UBE2T: variants seen among roughly 807,000 people sequenced by gnomAD.
The protein encoded by UBE2T is ubiquitin conjugating enzyme E2 T, also known as ubiquitin-conjugating enzyme E2 T.
Under a neutral mutation model 23.3 loss-of-function variants are expected in UBE2T, and 15 were observed. That is an observed-to-expected ratio of 0.64 (90% confidence interval 0.43 to 0.99). The LOEUF (loss-of-function observed/expected upper bound fraction) is 0.99, where lower values mean the gene tolerates loss of function less well. UBE2T is among the 50% of genes least tolerant of loss of function. The pLI, the probability that UBE2T is intolerant of heterozygous loss-of-function variation, is 0.00. For synonymous variants in UBE2T, 67 were observed against 78.4 expected, an observed-to-expected ratio of 0.85 and a Z score of 0.77; for missense variants, 197 against 234.9, an observed-to-expected ratio of 0.84 and a Z score of 1.05.
intron 1 of UBE2T, among the ~76,000 whole-genome samples, chr1:202,338,626 C>A (rs1469680611): frequency 1.3e-5 from 2 of 152,062 alleles, no homozygotes; most frequent in Non-Finnish European, 2.9e-5. Context: ...TCATGTCATC[C>A]ACATATAATC....
intron 3 of UBE2T, among the ~76,000 whole-genome samples, 187 bp downstream of exon 3, chr1:202,334,802 C>T (rs745986784): frequency 6.6e-6 from 1 of 152,128 alleles, no homozygotes; most frequent in Non-Finnish European, 1.5e-5. Context: ...TTGATGTGAT[C>T]TCGCCCATTG....
Position 202,332,034 on chromosome 1 carries a change from T to C in UBE2T, c.469-74A>G. ...GATGGAGAAAAATGAAGCTCTGTAA[T>C]ATTATTTCCATGTACTTCTTTGTTG... On this transcript the variant is annotated intron_variant, in intron 6 of 6. Coordinates refer to ENST00000646651, the MANE Select transcript of UBE2T (RefSeq NM_014176.4). 5.1e-6 allele frequency: 8 copies of C among 1,559,602 alleles called. No homozygotes were observed. The South Asian group carries it at 9.4e-5, about 18-fold the overall frequency.
chr1:202,337,251 C>CT (rs1297298392), intron 1 of UBE2T, among the ~76,000 whole-genome samples: 2 of 152,094 alleles, frequency 1.3e-5, no homozygotes, highest in African/African-American at 4.8e-5. Flanking sequence ...AACACCAATC[C>CT]TTTAATGTGT....
chr1:202,333,578 A>G, intron 3 of UBE2T, 23 bp from the exon 4 acceptor site: 2 of 1,585,036 alleles, frequency 1.3e-6, no homozygotes, highest in Non-Finnish European at 1.7e-6. Flanking sequence ...AAGACAACAG[A>G]TAATTTTCAT....
intron 6 of UBE2T, 115 bp from the exon 7 acceptor site, chr1:202,332,075 GTATTAT>G (rs1346174240): frequency 1.8e-5 from 23 of 1,306,724 alleles, no homozygotes; most frequent in Non-Finnish European, 1.0e-6. Flanking sequence ...TTTAAATACA[GTATTAT>G]GCATACGATA....
At position 202,333,572 on chromosome 1, in the gene UBE2T, C is replaced by T. The variant is rs754017791; in HGVS notation, c.180-17G>A. ...AATGGGTACCTATGAAAGAATAAGA[C>T]AACAGATAATTTTCATTACATAATT... On this transcript the variant is annotated splice_polypyrimidine_tract_variant and intron_variant, in intron 3 of 6. Transcript: ENST00000646651. The T allele has an allele frequency of 1.3e-6, 2 of 1,594,456 alleles. No homozygotes were observed. Among genetic ancestry groups the T allele is most frequent in the South Asian group, 2.3e-5 (2 of 88,762 alleles).
At position 202,331,909 on chromosome 1, in the gene UBE2T, C is replaced by T. The variant is rs765271839; in HGVS notation, c.520G>A (p.Val174Ile). Residue 174 changes from valine (V) to isoleucine (I), a missense_variant, in exon 7 of 7, where the codon GTA (valine) becomes ATA (isoleucine). Physicochemically the swap from Val to Ile is conservative, Grantham distance 29. Coordinates refer to ENST00000646651, the MANE Select transcript of UBE2T (RefSeq NM_014176.4). ...TTCCTTTTCTGTGTTGAGTTGTGTA[C>T]TCTGGAGTCACCAGCCTCTGGTAGA... Reference protein sequence around the residue: ...DNLPEAGDSRVHNSTQKRKAS... With the variant: ...DNLPEAGDSRIHNSTQKRKAS... 6.2e-6 allele frequency: 10 copies of T among 1,613,986 alleles called. No homozygotes were observed. The highest frequency in any genetic ancestry group is 8.5e-6 in the Non-Finnish European group (10 of 1,180,012).
chr1:202,339,639 C>G (rs566475987), intron 1 of UBE2T, among the ~76,000 whole-genome samples: 1 of 146,598 alleles, frequency 6.8e-6, no homozygotes, highest in African/African-American at 2.5e-5. Context: ...CGTCCAAACA[C>G]GTACTATACA....
chr1:202,339,557 G>A (rs555688473), intron 1 of UBE2T, among the ~76,000 whole-genome samples: 6 of 133,310 alleles, frequency 4.5e-5, no homozygotes, highest in African/African-American at 1.4e-4. Context: ...TCAAGATCAC[G>A]CCACTGCACC....
chr1:202,332,413 T>A (rs555265907), intron 6 of UBE2T, among the ~76,000 whole-genome samples: 2 of 152,238 alleles, frequency 1.3e-5, no homozygotes, highest in East Asian at 3.9e-4. Flanking sequence ...CACTCCACTA[T>A]CCCTGCTACC....
intron 1 of UBE2T, among the ~76,000 whole-genome samples, chr1:202,339,552 A>T (rs1654953276): frequency 6.7e-6 from 1 of 149,704 alleles, no homozygotes; most frequent in South Asian, 2.1e-4. Context: ...GTACTTCAAG[A>T]TCACGCCACT....
At chr1:202,338,063 A>G (rs918768016) in intron 1 of UBE2T, among the ~76,000 whole-genome samples, 2 of 152,108 alleles carry the variant, frequency 1.3e-5, no homozygotes, top group Non-Finnish European at 2.9e-5. Context: ...ACGCTGTTTC[A>G]GTCTTTTTTT....
rs1654865275 is a variant in UBE2T, at chr1:202,335,697, G to A, written c.58C>T (p.Pro20Ser). Residue 20 changes from proline to serine, a missense_variant, in exon 2 of 7, where the codon CCA becomes TCA. Transcript: ENST00000646651. The surrounding 1 kb of genome is among the most constrained non-coding windows in gnomAD (Gnocchi z 4.0). ...TTATCTTGCCAACATGTGATGCCTG[G>A]GGGTGGCTCTGTGGCTAACATGTGC... The part of the protein sequence containing the change: ...ELHMLATEPP[P>S]GITCWQDKDQ... The A allele has an allele frequency of 1.9e-6, 3 of 1,614,054 alleles. No individual in the cohort carries two copies. Among genetic ancestry groups the A allele is most frequent in the South Asian group, 2.2e-5 (2 of 91,078 alleles).
At position 202,335,571 on chromosome 1, in the gene UBE2T, T is replaced by A; in HGVS notation, c.109+75A>T. Reference sequence around the variant, plus strand: ...ATAACTGCTCCTTACTTTAGAAGAATACACAAAATGTTTTATTTCAGCACA... The same window carrying A: ...ATAACTGCTCCTTACTTTAGAAGAAAACACAAAATGTTTTATTTCAGCACA... On this transcript the variant is annotated intron_variant, in intron 2 of 6. Coordinates refer to ENST00000646651, the MANE Select transcript of UBE2T (RefSeq NM_014176.4). This position sits in a 1 kb window ranked among gnomAD's most constrained non-coding sequence, Gnocchi z 4.0. 1.4e-6 allele frequency: 2 copies of A among 1,437,660 alleles called. No homozygotes were observed. Among genetic ancestry groups the A allele is most frequent in the Non-Finnish European group, 1.9e-6 (2 of 1,027,482 alleles). The allele number at this position is 1,437,660 out of a possible 1,614,324, so 89.1% of individuals were successfully genotyped here.
chr1:202,336,586 G>C (rs1391631123), intron 1 of UBE2T, among the ~76,000 whole-genome samples: 1 of 152,090 alleles, frequency 6.6e-6, no homozygotes, highest in Non-Finnish European at 1.5e-5. Flanking sequence ...ATGAGGCCAG[G>C]CCTGGGTCTG....
chr1:202,335,400 GA>G lies in UBE2T; in HGVS notation c.109+245del, dbSNP rs1415020753. 1.8e-6 allele frequency: 1 copy of G among 549,916 alleles called. No individual in the cohort carries two copies. Among genetic ancestry groups the G allele is most frequent in the Admixed American group, 3.1e-5 (1 of 32,152 alleles). The allele number at this position is 549,916 out of a possible 1,614,324, so 34.1% of individuals were successfully genotyped here. A position where few individuals can be genotyped will look rare whatever the true frequency, so the allele number is the denominator to read the frequency against. ...ACAGATATTTGAGATGGTTATCTTT[GA>G]TCTAAACACTGCTTCACTGCTTTAA... On this transcript the variant is annotated intron_variant, in intron 2 of 6. Coordinates refer to ENST00000646651, the MANE Select transcript of UBE2T (RefSeq NM_014176.4). This position sits in a 1 kb window ranked among gnomAD's most constrained non-coding sequence, Gnocchi z 4.0.
chr1:202,334,910 CTCTA>C, intron 3 of UBE2T, 75 bp downstream of exon 3: 2 of 1,336,598 alleles, frequency 1.5e-6, no homozygotes, highest in Non-Finnish European at 2.1e-6. Context: ...GTCCTTTATG[CTCTA>C]TCTACTACAT....
In UBE2T at chr1:202,331,869, A is replaced by G. The variant is rs1248742247; in HGVS notation, c.560T>C (p.Val187Ala). The change falls in exon 7 of 7, where the codon GTA (valine) becomes GCA (alanine). Residue 187 changes from valine (V) to alanine (A), a missense_variant. Val to Ala is a moderately conservative substitution (Grantham distance 64, BLOSUM62 0). Coordinates refer to ENST00000646651, the MANE Select transcript of UBE2T (RefSeq NM_014176.4). ...STQKRKASQL[V>A]GIEKKFHPDV is the part of the protein sequence containing the mutation. ...AGGATGAAATTTCTTTTCTATGCCTACTAGCTGACTGGCCTTCCTTTTCTG... is the reference window on the plus strand; with the variant it reads ...AGGATGAAATTTCTTTTCTATGCCTGCTAGCTGACTGGCCTTCCTTTTCTG... 5 of 1,614,138 alleles carry G rather than the reference A, an allele frequency of 3.1e-6. No individual in the cohort carries two copies. Among genetic ancestry groups the G allele is most frequent in the Non-Finnish European group, 4.2e-6 (5 of 1,180,008 alleles).
At chr1:202,338,008 AGATAACT>A (rs1654922538) in intron 1 of UBE2T, among the ~76,000 whole-genome samples, 1 of 152,174 alleles carries the variant, frequency 6.6e-6, no homozygotes, top group Non-Finnish European at 1.5e-5. Flanking sequence ...ATCAATTTGG[AGATAACT>A]GATATCTTTA....
Sources: gnomAD v4.1 joint callset for allele counts (sites outside exome capture counted in the v4.1 genomes callset) on GRCh38, gnomAD v4.1.1 for gene constraint, Gnocchi (gnomAD v3.1) non-coding constraint, MANE v1.5 for transcripts, NCBI Gene and HGNC (gene_info 2026-07-23, HGNC 2026-07-21) for gene names.